Variants in GPI observed in about 807,000 individuals in gnomAD.
The protein encoded by GPI is D-hexose-6-phosphate anomerase.
GPI carries 56 observed loss-of-function variants against 75.8 expected under a neutral mutation model. The ratio of observed to expected loss-of-function variants is 0.74; its 90% CI spans 0.60 to 0.92. The LOEUF is 0.92. Ranked by LOEUF, GPI falls within the 40% of genes least tolerant of loss-of-function variation. The pLI, the probability that GPI is intolerant of heterozygous loss-of-function variation, is 0.00. For missense variants in GPI, 638 were observed against 741.0 expected, an observed-to-expected ratio of 0.86 and a Z score of 1.61; for synonymous variants, 288 against 285.4, an observed-to-expected ratio of 1.01 and a Z score of -0.09.
intron 3 of GPI, 80 bp from the exon 4 acceptor site, chr19:34,368,503 C>A: frequency 1.3e-6 from 2 of 1,523,630 alleles, no homozygotes; most frequent in Non-Finnish European, 1.8e-6. Flanking sequence ...GAGGGCCGAG[C>A]TATGGCACCA....
intron 9 of GPI, among the ~76,000 whole-genome samples, chr19:34,384,064 C>G (rs2074696130): frequency 6.6e-6 from 1 of 152,150 alleles, no homozygotes; most frequent in African/African-American, 2.4e-5. Flanking sequence ...AGAACTGGAC[C>G]AGTCTGGTAA....
chr19:34,378,227 T>G (rs2074580579), intron 6 of GPI, among the ~76,000 whole-genome samples: 1 of 152,194 alleles, frequency 6.6e-6, no homozygotes. Flanking sequence ...AGAGTCTGGC[T>G]CTGTCACCCA....
upstream of GPI, chr19:34,364,938 T>C (rs753445513): frequency 2.0e-5 from 30 of 1,520,972 alleles, no homozygotes; most frequent in Middle Eastern, 1.7e-4. Flanking sequence ...CTCCAACACC[T>C]GGGCTCCAGT....
intron 9 of GPI, among the ~76,000 whole-genome samples, chr19:34,387,830 G>T (rs752832054): frequency 6.6e-6 from 1 of 152,168 alleles, no homozygotes; most frequent in Non-Finnish European, 1.5e-5. Flanking sequence ...GGTGAAGTGG[G>T]TGGGGTCTAG....
intron 4 of GPI, among the ~76,000 whole-genome samples, chr19:34,374,281 C>T (rs566971907): frequency 7.2e-5 from 11 of 152,134 alleles, no homozygotes; most frequent in Admixed American, 6.5e-4. Context: ...CCACGCCCGG[C>T]TACACTCTTT....
At chr19:34,379,964 G>C in intron 8 of GPI, 4 of 214,456 alleles carry the variant, frequency 1.9e-5, no homozygotes, top group South Asian at 7.5e-5. Flanking sequence ...GTGACATTTT[G>C]CCCCCTACTT....
intron 9 of GPI, among the ~76,000 whole-genome samples, chr19:34,385,031 C>T (rs1411061518): frequency 7.3e-6 from 1 of 137,790 alleles, no homozygotes; most frequent in Non-Finnish European, 1.5e-5. Context: ...GAGACTATCT[C>T]CAAAAAAAAA....
At position 34,400,134 on chromosome 19, in the gene GPI, C is replaced by T. The variant is rs1419898865; in HGVS notation, c.*98C>T. 7.5e-6 allele frequency: 10 copies of T among 1,327,650 alleles called. No homozygotes were observed. In the East Asian group the frequency reaches 1.6e-4, roughly 21 times the overall value. The allele number at this position is 1,327,650 out of a possible 1,614,324, so 82.2% of individuals were successfully genotyped here. On this transcript the variant is annotated 3_prime_UTR_variant, in exon 18 of 18. Coordinates refer to ENST00000356487, the MANE Select transcript of GPI (RefSeq NM_000175.5). ...GCATGTTCCTGGACACCACCCAGAGCACCCTCTGGTTGTGGGCTTGGACCA... is the reference window on the plus strand; with the variant it reads ...GCATGTTCCTGGACACCACCCAGAGTACCCTCTGGTTGTGGGCTTGGACCA...
At chr19:34,362,638 G>A (rs1189348240), upstream of GPI, among the ~76,000 whole-genome samples, 1 of 152,180 alleles carries the variant, frequency 6.6e-6, no homozygotes, top group Non-Finnish European at 1.5e-5. Context: ...ACACTAAAGG[G>A]AATCGTTGGT....
In GPI at chr19:34,366,816, C is replaced by G. The variant is rs983725326; in HGVS notation, c.247C>G (p.Arg83Gly). 6.2e-7 allele frequency: 1 copy of G among 1,613,650 alleles called. No individual in the cohort carries two copies. The highest frequency in any genetic ancestry group is 1.1e-5 in the South Asian group (1 of 91,052). Residue 83 changes from arginine (R) to glycine (G), a missense_variant, in exon 3 of 18, where the codon CGG becomes GGG. By Grantham distance (125) the Arg-to-Gly change is moderately radical. Coordinates refer to ENST00000356487, the MANE Select transcript of GPI (RefSeq NM_000175.5). ...KSRGVEAARE[R>G]MFNGEKINYT... The stretch of plus-strand genomic sequence containing the variant: ...CAGGGGCGTGGAGGCCGCCCGGGAG[C>G]GGATGTTCAATGGTGAGAAGATCAA...
At chr19:34,369,959 A>C (rs1439408497) in intron 4 of GPI, among the ~76,000 whole-genome samples, 1 of 152,214 alleles carries the variant, frequency 6.6e-6, no homozygotes, top group Non-Finnish European at 1.5e-5. Context: ...TTTCCTGTGA[A>C]GTCTTCCAGA....
At chr19:34,392,914 A>C in intron 9 of GPI, 1 of 392,692 alleles carries the variant, frequency 2.5e-6, no homozygotes, top group Non-Finnish European at 4.8e-6. Context: ...CGCAGGTATG[A>C]GGCCCTGGGT....
intron 8 of GPI, chr19:34,379,843 T>A: frequency 1.7e-6 from 1 of 580,932 alleles, no homozygotes; most frequent in South Asian, 2.0e-5. Flanking sequence ...TTCATACACA[T>A]GACCTTCCTA....
In GPI at chr19:34,393,095, G is replaced by T; in HGVS notation, c.805-153G>T. On this transcript the variant is annotated intron_variant, in intron 9 of 17. Coordinates refer to ENST00000356487, the MANE Select transcript of GPI (RefSeq NM_000175.5). This position sits in a 1 kb window ranked among gnomAD's most constrained non-coding sequence, Gnocchi z 4.4. ...TGCCCTGTTGGTCTTCCCATGTGTT[G>T]CCAGCACCTGCCTGCTGCCTTGCTT... 1.4e-6 allele frequency: 1 copy of T among 700,386 alleles called. No homozygotes were observed. The allele number at this position is 700,386 out of a possible 1,614,324, so 43.4% of individuals were successfully genotyped here.
rs989461107 is a variant in GPI at position 34,402,191 on chromosome 19, G to A, written c.*2155G>A. 1 of 152,028 alleles carries A rather than the reference G, an allele frequency of 6.6e-6. No homozygotes were observed. The highest frequency in any genetic ancestry group is 2.4e-5 in the African/African-American group (1 of 41,416). 9.4% of individuals were successfully genotyped at this position (152,028 alleles called of 1,614,324 possible). On this transcript the variant is annotated 3_prime_UTR_variant, in exon 18 of 18. Coordinates refer to ENST00000356487, the MANE Select transcript of GPI (RefSeq NM_000175.5). Reference sequence around the variant, plus strand: ...TAAAAAATAAATTTTTGTAGTGATAGGATCCCACTGAGGCCAGAGAATAGG... The same window carrying A: ...TAAAAAATAAATTTTTGTAGTGATAAGATCCCACTGAGGCCAGAGAATAGG...
At chr19:34,365,665 C>G (rs1331042185) in intron 1 of GPI, 3 of 613,364 alleles carry the variant, frequency 4.9e-6, no homozygotes. Flanking sequence ...CTCCTCCTCC[C>G]CGTGCAGCTC....
intron 9 of GPI, among the ~76,000 whole-genome samples, chr19:34,390,946 A>C (rs1056413187): frequency 1.4e-5 from 2 of 139,104 alleles, no homozygotes; most frequent in Non-Finnish European, 3.1e-5. Context: ...CTGAGGAGGT[A>C]GCACCTGGCA....
At position 34,402,351 on chromosome 19, in the gene GPI, T is replaced by G. The variant is rs996291624; in HGVS notation, c.*2315T>G. On this transcript the variant is annotated 3_prime_UTR_variant, in exon 18 of 18. Coordinates refer to ENST00000356487, the MANE Select transcript of GPI (RefSeq NM_000175.5). ...AGATTTTCTACACAGGGCACTTGCT[T>G]GAGCCTCATCCCGCTTTCTGGAATG... 1 of 152,202 alleles carries G rather than the reference T, an allele frequency of 6.6e-6. No individual in the cohort carries two copies. The highest frequency in any genetic ancestry group is 2.4e-5 in the African/African-American group (1 of 41,446). The allele number at this position is 152,202 out of a possible 1,614,324, so 9.4% of individuals were successfully genotyped here.
At chr19:34,364,378 C>T (rs8108083), upstream of GPI, among the ~76,000 whole-genome samples, 14,020 of 149,872 alleles carry the variant, frequency 0.094, 1,070 homozygotes, top group African/African-American at 0.2. Context: ...TGCTCTCTGA[C>T]CTCATCTTTT....
Sources: allele counts gnomAD v4.1 joint callset (sites outside exome capture counted in the v4.1 genomes callset), GRCh38; gene constraint gnomAD v4.1.1; non-coding constraint Gnocchi (gnomAD v3.1); transcripts MANE v1.5; gene names NCBI Gene and HGNC (gene_info 2026-07-23, HGNC 2026-07-21).